Variants in ENOX1 observed in about 807,000 individuals in gnomAD.
ENOX1 encodes the protein ecto-NOX disulfide-thiol exchanger 1, also known as candidate growth-related and time keeping constitutive hydroquinone (NADH) oxidase.
A neutral mutation model predicts 82.5 loss-of-function variants in ENOX1; 42 were observed. That is an observed-to-expected ratio of 0.51 (90% CI 0.40 to 0.66). The LOEUF is 0.66. Ranked by LOEUF, ENOX1 falls within the 30% of genes least tolerant of loss-of-function variation. The pLI, the probability that ENOX1 is intolerant of heterozygous loss-of-function variation, is 0.00. For synonymous variants in ENOX1, 271 were observed against 282.2 expected (o/e 0.96, Z 0.40); for missense variants, 608 against 811.6 (o/e 0.75, Z 3.05).
chr13:43,217,528 T>G (rs570622777), intron 16 of ENOX1, among the ~76,000 whole-genome samples: 1 of 152,250 alleles, frequency 6.6e-6, no homozygotes, highest in Non-Finnish European at 1.5e-5. Flanking sequence ...TTACCGAGTC[T>G]TCACTGTGGG....
intron 3 of ENOX1, among the ~76,000 whole-genome samples, chr13:43,443,322 A>C (rs1056901427): frequency 2.0e-5 from 3 of 152,222 alleles, no homozygotes; most frequent in African/African-American, 7.2e-5. Flanking sequence ...ACATGTTCAC[A>C]TTAAAAATAA....
rs529636310 is a variant in ENOX1 at position 43,366,400 on chromosome 13, G to A, written c.209-4948C>T. ...TGCCATTCTCCTGCCTCAGCCTCCT[G>A]AGTAGCTGGGACTACAGGCGCCCGC... On this transcript the variant is annotated intron_variant, in intron 5 of 16. Coordinates refer to ENST00000690772, the MANE Select transcript of ENOX1 (RefSeq NM_001347969.2). Among the ~76,000 whole-genome samples the A allele has an allele frequency of 2.0e-5, 3 of 152,012 alleles. No homozygotes were observed. In the South Asian group the frequency reaches 6.2e-4, roughly 32 times the overall value.
chr13:43,435,487 C>A (rs1017021769), intron 3 of ENOX1, among the ~76,000 whole-genome samples: 1 of 152,218 alleles, frequency 6.6e-6, no homozygotes, highest in Non-Finnish European at 1.5e-5. Context: ...CTGACCACGG[C>A]ACCAAGCTTC....
At chr13:43,277,860 G>GT (rs570338941) in intron 12 of ENOX1, among the ~76,000 whole-genome samples, 1 of 152,116 alleles carries the variant, frequency 6.6e-6, no homozygotes, top group Non-Finnish European at 1.5e-5. Flanking sequence ...GGAGGAGTGA[G>GT]TTTTTTTAGG....
At chr13:43,627,820 G>A (rs1430324748) in intron 2 of ENOX1, among the ~76,000 whole-genome samples, 2 of 151,682 alleles carry the variant, frequency 1.3e-5, no homozygotes, top group Admixed American at 6.6e-5. Flanking sequence ...AAATCCCTTC[G>A]TCTTCCTTAT....
At chr13:43,527,468 A>G (rs1212798649) in intron 2 of ENOX1, among the ~76,000 whole-genome samples, 1 of 152,126 alleles carries the variant, frequency 6.6e-6, no homozygotes, top group African/African-American at 2.4e-5. Context: ...ATACTAGAAT[A>G]TGCTACTTAG....
chr13:43,223,068 T>C (rs1038811217), intron 16 of ENOX1, among the ~76,000 whole-genome samples: 1 of 152,232 alleles, frequency 6.6e-6, no homozygotes, highest in East Asian at 1.9e-4. Context: ...GGGAAGATTA[T>C]TTGAATCAAA....
Position 43,749,587 on chromosome 13 carries a change from C to T in ENOX1, c.-285+37065G>A, listed in dbSNP as rs578183634. On this transcript the variant is annotated intron_variant, in intron 1 of 16. Coordinates refer to ENST00000690772, the MANE Select transcript of ENOX1 (RefSeq NM_001347969.2). ...GATGCACCTGTTTCCCAGCAGGGAA[C>T]CAGCTTTGCTCCTCACGGGCAATTA... is the stretch of plus-strand genomic sequence containing the variant. 4.5e-4 allele frequency among the ~76,000 whole-genome samples: 68 copies of T among 152,324 alleles called. 1 individual carries two copies. In the South Asian group the frequency reaches 0.014, roughly 32 times the overall value.
intron 1 of ENOX1, among the ~76,000 whole-genome samples, chr13:43,682,790 A>G (rs2085860128): frequency 6.6e-6 from 1 of 152,208 alleles, no homozygotes; most frequent in Admixed American, 6.5e-5. Context: ...TGCCACAAAT[A>G]TAACAGGAGT....
In ENOX1 at chr13:43,673,819, G is replaced by A. The variant is rs531164922; in HGVS notation, c.-284-6275C>T. 9.2e-5 allele frequency among the ~76,000 whole-genome samples: 14 copies of A among 152,252 alleles called. No homozygotes were observed. The South Asian group carries it at 1.7e-3, about 18-fold the overall frequency. On this transcript the variant is annotated intron_variant, in intron 1 of 16. Coordinates refer to ENST00000690772, the MANE Select transcript of ENOX1 (RefSeq NM_001347969.2). ...ACTTGTCTCCTAATTTGCTTTTTAT[G>A]TTATACACAGCTTTGAGTACAATGT...
At chr13:43,247,966 A>G (rs1456698863) in intron 14 of ENOX1, among the ~76,000 whole-genome samples, 2 of 130,122 alleles carry the variant, frequency 1.5e-5, no homozygotes, top group Admixed American at 7.9e-5. Context: ...GCTCACTGCA[A>G]GCTCCGCCTC....
chr13:43,656,157 C>T (rs980215001), intron 2 of ENOX1, among the ~76,000 whole-genome samples: 1 of 151,828 alleles, frequency 6.6e-6, no homozygotes, highest in African/African-American at 2.4e-5. Flanking sequence ...TGATTTATGC[C>T]CATGTTACAT....
chr13:43,575,516 G>A (rs2080383499), intron 2 of ENOX1, among the ~76,000 whole-genome samples: 2 of 152,256 alleles, frequency 1.3e-5, no homozygotes, highest in South Asian at 4.2e-4. Flanking sequence ...GTAGTGTTCA[G>A]GTCACACCTT....
rs564026352 is a variant in ENOX1 at position 43,754,068 on chromosome 13, G to A, written c.-285+32584C>T. 3.9e-4 allele frequency among the ~76,000 whole-genome samples: 55 copies of A among 140,772 alleles called. 1 individual carries two copies. The South Asian group carries it at 4.2e-3, about 11-fold the overall frequency. The allele number at this position is 140,772 out of a possible 152,430, so 92.4% of individuals were successfully genotyped here. On this transcript the variant is annotated intron_variant, in intron 1 of 16. Coordinates refer to ENST00000690772, the MANE Select transcript of ENOX1 (RefSeq NM_001347969.2). ...AATACACATATATATACATATATAC[G>A]TATATAAATACACATATATACGTAT...
At chr13:43,781,581 T>C (rs1952260811) in intron 1 of ENOX1, among the ~76,000 whole-genome samples, 1 of 152,194 alleles carries the variant, frequency 6.6e-6, no homozygotes. Context: ...TGGCGCAATC[T>C]TGGCTCACTG....
At chr13:43,296,397 G>T (rs912623103) in intron 12 of ENOX1, among the ~76,000 whole-genome samples, 3 of 152,134 alleles carry the variant, frequency 2.0e-5, no homozygotes, top group Admixed American at 1.3e-4. Context: ...GTCAAGGAAG[G>T]CCAAAGATTT....
Position 43,464,783 on chromosome 13 carries a change from T to C in ENOX1, c.-75+19226A>G, listed in dbSNP as rs535078296. Among the ~76,000 whole-genome samples the C allele has an allele frequency of 1.2e-4, 19 of 152,330 alleles. No individual in the cohort carries two copies. In the South Asian group the frequency reaches 1.4e-3, roughly 12 times the overall value. On this transcript the variant is annotated intron_variant, in intron 3 of 16. Coordinates refer to ENST00000690772, the MANE Select transcript of ENOX1 (RefSeq NM_001347969.2). ...GACTTCATTTGGATTTTACCAGTCTTTCTATTAATGTCCTTTCTCTGTTCC... is the reference window on the plus strand; with the variant it reads ...GACTTCATTTGGATTTTACCAGTCTCTCTATTAATGTCCTTTCTCTGTTCC...
intron 16 of ENOX1, among the ~76,000 whole-genome samples, chr13:43,220,497 T>C (rs2041730167): frequency 6.6e-6 from 1 of 152,214 alleles, no homozygotes; most frequent in African/African-American, 2.4e-5. Context: ...GCTACAAGCT[T>C]GTTGAGAATA....
chr13:43,282,748 T>A (rs188304511), intron 12 of ENOX1, among the ~76,000 whole-genome samples: 1 of 152,142 alleles, frequency 6.6e-6, no homozygotes, highest in Admixed American at 6.5e-5. Flanking sequence ...CTTAAATGTT[T>A]GGTAGAACTT....
Sources: allele counts gnomAD v4.1 joint callset (sites outside exome capture counted in the v4.1 genomes callset), GRCh38; gene constraint gnomAD v4.1.1; transcripts MANE v1.5; gene names NCBI Gene and HGNC (gene_info 2026-07-23, HGNC 2026-07-21).